The following FGGY variants were observed in gnomAD, a reference collection of about 807,000 sequenced individuals.
The protein encoded by FGGY is FGGY carbohydrate kinase domain-containing protein.
FGGY carries 72 observed loss-of-function variants against 71.3 expected under a neutral mutation model. That is an observed-to-expected ratio of 1.01 (90% CI 0.84 to 1.23). The LOEUF is 1.23. Ranked by LOEUF, FGGY falls within the 50% of genes most tolerant of loss-of-function variation. The pLI, the probability that FGGY is intolerant of heterozygous loss-of-function variation, is 0.00. For missense variants in FGGY, 668 were observed against 682.3 expected, an observed-to-expected ratio of 0.98 and a Z score of 0.23; for synonymous variants, 251 against 250.3, an observed-to-expected ratio of 1.00 and a Z score of -0.02.
chr1:59,354,636 A>G (rs2053939766), intron 4 of FGGY, among the ~76,000 whole-genome samples: 1 of 152,142 alleles, frequency 6.6e-6, no homozygotes, highest in Admixed American at 6.5e-5. Flanking sequence ...CAGTAGCTTC[A>G]TTGTTTCATT....
chr1:59,546,517 G>GATTATT lies in FGGY; in HGVS notation c.800-7605_800-7604insTATTAT, dbSNP rs1491216926. On this transcript the variant is annotated intron_variant, in intron 7 of 15. Transcript: ENST00000303721. ...GGATGATGATGATGATGATGATGATGATGATGATGATGATGATGATTATTA... is the reference window on the plus strand; with the variant it reads ...GGATGATGATGATGATGATGATGATGATTATTATGATGATGATGATGATGATTATTA... Among the ~76,000 whole-genome samples, 117 of 134,718 alleles carry GATTATT rather than the reference G, an allele frequency of 8.7e-4. 1 individual carries two copies. Among genetic ancestry groups the GATTATT allele is most frequent in the Middle Eastern group, 3.5e-3 (1 of 282 alleles). 88.4% of individuals were successfully genotyped at this position (134,718 alleles called of 152,430 possible).
At chr1:59,725,054 T>G (rs745842546) in intron 14 of FGGY, among the ~76,000 whole-genome samples, 1 of 152,196 alleles carries the variant, frequency 6.6e-6, no homozygotes, top group Non-Finnish European at 1.5e-5. Context: ...TCACCTAAAT[T>G]TTTTCCTGTT....
At chr1:59,404,976 G>A (rs773089525) in intron 5 of FGGY, among the ~76,000 whole-genome samples, 6 of 152,186 alleles carry the variant, frequency 3.9e-5, no homozygotes, top group Non-Finnish European at 8.8e-5. Flanking sequence ...GTGATGATGA[G>A]CATATTTACA....
At chr1:59,348,014 C>G (rs568283305) in intron 4 of FGGY, among the ~76,000 whole-genome samples, 2 of 152,092 alleles carry the variant, frequency 1.3e-5, no homozygotes, top group African/African-American at 2.4e-5. Flanking sequence ...TCAGAGTGAA[C>G]AGGCAACCTA....
chr1:59,757,889 C>A (rs562912134), intron 14 of FGGY, 42 bp from the exon 15 acceptor site: 3 of 1,472,570 alleles, frequency 2.0e-6, no homozygotes, highest in African/African-American at 2.8e-5. Flanking sequence ...CTTTGGATTT[C>A]GCTTTCCAAC....
chr1:59,655,360 A>G (rs778866098), intron 11 of FGGY, among the ~76,000 whole-genome samples: 3 of 152,162 alleles, frequency 2.0e-5, no homozygotes, highest in Non-Finnish European at 4.4e-5. Context: ...TGCTGCACCT[A>G]TCAACCCGTC....
At chr1:59,583,395 T>C (rs1304272321) in intron 8 of FGGY, among the ~76,000 whole-genome samples, 1 of 143,340 alleles carries the variant, frequency 7.0e-6, no homozygotes, top group African/African-American at 2.7e-5. Context: ...AGGTCTTATT[T>C]TTACATTGAC....
chr1:59,502,690 C>T (rs2094262889), intron 6 of FGGY, among the ~76,000 whole-genome samples: 2 of 152,162 alleles, frequency 1.3e-5, no homozygotes, highest in Non-Finnish European at 2.9e-5. Context: ...GTGGAAGAAG[C>T]CTTCCTTGAG....
At chr1:59,649,960 A>G (rs11809728) in intron 11 of FGGY, among the ~76,000 whole-genome samples, 5,932 of 146,400 alleles carry the variant, frequency 0.041, 483 homozygotes, top group African/African-American at 0.1. Flanking sequence ...TTTAGCATGA[A>G]GGGTTGTTGA....
At chr1:59,521,471 T>C (rs1251594212) in intron 7 of FGGY, among the ~76,000 whole-genome samples, 2 of 152,208 alleles carry the variant, frequency 1.3e-5, no homozygotes, top group Non-Finnish European at 2.9e-5. Context: ...CAGCTCCCCA[T>C]GTGTCCCCAG....
At chr1:59,411,971 C>T (rs901931816) in intron 5 of FGGY, among the ~76,000 whole-genome samples, 2 of 152,332 alleles carry the variant, frequency 1.3e-5, no homozygotes, top group East Asian at 3.9e-4. Flanking sequence ...TTTCCACTCT[C>T]CCCAGTGCAC....
intron 14 of FGGY, among the ~76,000 whole-genome samples, chr1:59,739,671 T>G (rs943434977): frequency 2.6e-5 from 4 of 152,206 alleles, no homozygotes; most frequent in African/African-American, 4.8e-5. Flanking sequence ...GAAGGGCTGT[T>G]TTCAGAATTT....
chr1:59,599,629 G>A (rs866538300), intron 8 of FGGY, among the ~76,000 whole-genome samples: 7 of 150,658 alleles, frequency 4.6e-5, no homozygotes, highest in African/African-American at 1.7e-4. Flanking sequence ...AGGAGGCAGA[G>A]GTTGCAGTGA....
chr1:59,460,704 A>G (rs1172945451), intron 6 of FGGY, among the ~76,000 whole-genome samples: 1 of 152,182 alleles, frequency 6.6e-6, no homozygotes, highest in Non-Finnish European at 1.5e-5. Flanking sequence ...TGAAGCTTCC[A>G]GAGGAAGGAT....
intron 14 of FGGY, among the ~76,000 whole-genome samples, chr1:59,689,215 G>A (rs1297564297): frequency 6.6e-6 from 1 of 152,148 alleles, no homozygotes; most frequent in Non-Finnish European, 1.5e-5. Flanking sequence ...GCCTGGCTTT[G>A]TGTAAGAAAT....
intron 7 of FGGY, among the ~76,000 whole-genome samples, chr1:59,524,527 A>G (rs567343320): frequency 4.7e-4 from 72 of 152,278 alleles, no homozygotes; most frequent in Non-Finnish European, 9.3e-4. Context: ...TGGACCAATC[A>G]GTACTCATTT....
intron 6 of FGGY, among the ~76,000 whole-genome samples, chr1:59,465,274 C>A (rs541258828): frequency 6.6e-6 from 1 of 152,280 alleles, no homozygotes; most frequent in South Asian, 2.1e-4. Context: ...ATGATTATCT[C>A]AATAGATGCA....
intron 5 of FGGY, among the ~76,000 whole-genome samples, chr1:59,387,775 C>T (rs1434373583): frequency 6.6e-6 from 1 of 152,114 alleles, no homozygotes; most frequent in Non-Finnish European, 1.5e-5. Flanking sequence ...TTTGCTGAAC[C>T]ATTTGTAAAT....
At chr1:59,596,893 C>G (rs192711637) in intron 8 of FGGY, among the ~76,000 whole-genome samples, 1 of 152,316 alleles carries the variant, frequency 6.6e-6, no homozygotes, top group Non-Finnish European at 1.5e-5. Flanking sequence ...CTGACTTCCT[C>G]CCATCCAGCC....
Sources: allele counts gnomAD v4.1 joint callset (sites outside exome capture counted in the v4.1 genomes callset), GRCh38; gene constraint gnomAD v4.1.1; transcripts MANE v1.5; gene names NCBI Gene and HGNC (gene_info 2026-07-23, HGNC 2026-07-21).